Variants in KCNH1 observed in about 807,000 individuals in gnomAD.
KCNH1 encodes the protein potassium voltage-gated channel subfamily H member 1.
In KCNH1, 27 loss-of-function variants were observed where a neutral mutation model predicts 69.2. That is an observed-to-expected ratio of 0.39 (90% CI 0.29 to 0.54). The LOEUF (loss-of-function observed/expected upper bound fraction) is 0.54, where lower values mean the gene tolerates loss of function less well. KCNH1 is among the 20% of genes least tolerant of loss of function. The pLI is 0.68. For missense variants in KCNH1, 798 were observed against 1,261.6 expected, an observed-to-expected ratio of 0.63 and a Z score of 5.57; for synonymous variants, 456 against 487.7, an observed-to-expected ratio of 0.93 and a Z score of 0.86.
intron 10 of KCNH1, among the ~76,000 whole-genome samples, chr1:210,688,259 T>C (rs1681449782): frequency 6.6e-6 from 1 of 152,214 alleles, no homozygotes; most frequent in Non-Finnish European, 1.5e-5. Flanking sequence ...GCTCTCTGTA[T>C]TTGTGTATAG....
intron 7 of KCNH1, among the ~76,000 whole-genome samples, chr1:210,901,201 T>C (rs965704977): frequency 1.3e-5 from 2 of 152,100 alleles, no homozygotes; most frequent in African/African-American, 4.8e-5. Flanking sequence ...TACACCTCCA[T>C]GAACCCAGGT....
At chr1:211,035,469 C>T (rs558572398) in intron 5 of KCNH1, among the ~76,000 whole-genome samples, 58 of 151,454 alleles carry the variant, frequency 3.8e-4, no homozygotes, top group African/African-American at 1.2e-3. Flanking sequence ...GGGATGGTCT[C>T]GATCTCCTGA....
At chr1:211,089,023 G>T (rs549953011) in intron 4 of KCNH1, among the ~76,000 whole-genome samples, 1 of 152,098 alleles carries the variant, frequency 6.6e-6, no homozygotes, top group Non-Finnish European at 1.5e-5. Flanking sequence ...CATTCTGTTA[G>T]GTATGATTTT....
At chr1:210,716,013 C>G (rs1451005552) in intron 10 of KCNH1, among the ~76,000 whole-genome samples, 1 of 152,132 alleles carries the variant, frequency 6.6e-6, no homozygotes, top group South Asian at 2.1e-4. Context: ...TCAGAGAAGG[C>G]AGCTAGGAAA....
chr1:210,906,227 C>T (rs1687098902), intron 7 of KCNH1, among the ~76,000 whole-genome samples: 1 of 152,218 alleles, frequency 6.6e-6, no homozygotes, highest in Non-Finnish European at 1.5e-5. Flanking sequence ...TAAGAAACAG[C>T]CAGGTCTCTA....
intron 5 of KCNH1, among the ~76,000 whole-genome samples, chr1:211,071,129 C>A (rs1029597152): frequency 1.3e-5 from 2 of 152,270 alleles, no homozygotes; most frequent in Non-Finnish European, 2.9e-5. Context: ...AATACATTCA[C>A]AGTAATGTAC....
chr1:211,043,207 C>T (rs1181024685), intron 5 of KCNH1, among the ~76,000 whole-genome samples: 1 of 152,024 alleles, frequency 6.6e-6, no homozygotes, highest in African/African-American at 2.4e-5. Flanking sequence ...AGACCATTAG[C>T]AAGATTAACC....
At chr1:210,904,889 A>G (rs1485980863) in intron 7 of KCNH1, among the ~76,000 whole-genome samples, 1 of 152,170 alleles carries the variant, frequency 6.6e-6, no homozygotes, top group African/African-American at 2.4e-5. Context: ...AGAAAAGAAC[A>G]CCTAGCTTTG....
At chr1:211,106,666 G>A (rs920014377) in intron 2 of KCNH1, among the ~76,000 whole-genome samples, 10 of 151,018 alleles carry the variant, frequency 6.6e-5, no homozygotes, top group East Asian at 1.9e-4. Flanking sequence ...GTGGTGGCAC[G>A]TGCCTGTAAT....
chr1:211,092,734 CAAA>C (rs1691074023), intron 3 of KCNH1, among the ~76,000 whole-genome samples: 1 of 151,980 alleles, frequency 6.6e-6, no homozygotes, highest in Admixed American at 6.6e-5. Flanking sequence ...ACAGAAAACT[CAAA>C]GTAAAGTGTC....
At chr1:210,725,252 A>G (rs1398436633) in intron 10 of KCNH1, among the ~76,000 whole-genome samples, 1 of 152,144 alleles carries the variant, frequency 6.6e-6, no homozygotes, top group Admixed American at 6.5e-5. Flanking sequence ...ATTACCTATG[A>G]AAGTATTTCT....
At chr1:210,933,378 G>A (rs770993691) in intron 6 of KCNH1, among the ~76,000 whole-genome samples, 9 of 152,050 alleles carry the variant, frequency 5.9e-5, no homozygotes, top group East Asian at 5.8e-4. Flanking sequence ...TGGGGGGAGC[G>A]GGGAGGGATA....
At chr1:210,949,498 A>G (rs79547219) in intron 6 of KCNH1, among the ~76,000 whole-genome samples, 5,767 of 152,314 alleles carry the variant, frequency 0.038, 220 homozygotes, top group South Asian at 0.12. Flanking sequence ...GTTTTAACAC[A>G]GTCCTCAATT....
intron 7 of KCNH1, among the ~76,000 whole-genome samples, chr1:210,900,769 T>C (rs1686978477): frequency 6.6e-6 from 1 of 152,142 alleles, no homozygotes; most frequent in Non-Finnish European, 1.5e-5. Flanking sequence ...ACAGGAATAA[T>C]AGGGTTCTCC....
intron 10 of KCNH1, among the ~76,000 whole-genome samples, chr1:210,761,249 CAAAAAAAAAAA>C (rs58988658): frequency 3.0e-4 from 11 of 37,090 alleles, no homozygotes; most frequent in South Asian, 2.1e-3. Flanking sequence ...GAGACTCCGT[CAAAAAAAAAAA>C]AAAAAAAAAA....
At chr1:211,073,300 A>G (rs1442641645) in intron 5 of KCNH1, among the ~76,000 whole-genome samples, 1 of 152,220 alleles carries the variant, frequency 6.6e-6, no homozygotes, top group Non-Finnish European at 1.5e-5. Flanking sequence ...CCTCTCTATC[A>G]GATATGGACA....
chr1:210,933,575 C>CA (rs563707165), intron 6 of KCNH1, among the ~76,000 whole-genome samples: 142 of 150,298 alleles, frequency 9.4e-4, no homozygotes, highest in African/African-American at 3.3e-3. Context: ...TAAAAACATA[C>CA]AAAAAATGAA....
At chr1:211,009,144 T>C (rs770628912) in intron 6 of KCNH1, among the ~76,000 whole-genome samples, 4 of 152,120 alleles carry the variant, frequency 2.6e-5, no homozygotes, top group Non-Finnish European at 4.4e-5. Context: ...GTGGATTTTA[T>C]TGTGTGAGAT....
intron 5 of KCNH1, among the ~76,000 whole-genome samples, chr1:211,033,100 A>C (rs1689822916): frequency 6.6e-6 from 1 of 152,264 alleles, no homozygotes; most frequent in South Asian, 2.1e-4. Flanking sequence ...AAGTGGATGA[A>C]GGATATGAAC....
Sources: allele counts gnomAD v4.1 joint callset (sites outside exome capture counted in the v4.1 genomes callset), GRCh38; gene constraint gnomAD v4.1.1; transcripts MANE v1.5; gene names NCBI Gene and HGNC (gene_info 2026-07-23, HGNC 2026-07-21).